The following CLOCK variants were observed in gnomAD, a reference collection of about 807,000 sequenced individuals.
CLOCK encodes circadian locomoter output cycles protein kaput.
In CLOCK, 43 loss-of-function variants were observed where a neutral mutation model predicts 118.4. The observed-to-expected ratio is 0.36, with a 90% CI of 0.28 to 0.47. The LOEUF is 0.47. Among genes scored for constraint, CLOCK ranks in the 20% least tolerant of loss-of-function variants. CLOCK has a pLI of 1.00. For synonymous variants in CLOCK, 326 were observed against 339.2 expected, an observed-to-expected ratio of 0.96 and a Z score of 0.43; for missense variants, 846 against 999.9, an observed-to-expected ratio of 0.85 and a Z score of 2.08.
chr4:55,490,417 C>T (rs547397826), intron 2 of CLOCK, among the ~76,000 whole-genome samples: 2 of 151,984 alleles, frequency 1.3e-5, no homozygotes, highest in Non-Finnish European at 2.9e-5. Flanking sequence ...ACAATAGTAG[C>T]AGGAGATGTC....
At chr4:55,478,437 C>T (rs1726688494) in intron 6 of CLOCK, among the ~76,000 whole-genome samples, 1 of 152,090 alleles carries the variant, frequency 6.6e-6, no homozygotes, top group African/African-American at 2.4e-5. Context: ...GACATGCTGT[C>T]TTCCTTAATC....
chr4:55,546,718 GCGC>G (rs911109422), intron 1 of CLOCK, 61 bp downstream of exon 1: 2 of 149,374 alleles, frequency 1.3e-5, no homozygotes, highest in African/African-American at 4.9e-5. Context: ...GAGCGCGCAT[GCGC>G]CGCCAAGGAA....
chr4:55,464,872 A>G (rs1019619874), intron 8 of CLOCK, among the ~76,000 whole-genome samples: 3 of 152,118 alleles, frequency 2.0e-5, no homozygotes, highest in Admixed American at 1.3e-4. Context: ...TTCTTCATAT[A>G]GGCCACACAT....
At chr4:55,468,518 TATAG>T (rs1388918619) in intron 8 of CLOCK, among the ~76,000 whole-genome samples, 1 of 152,216 alleles carries the variant, frequency 6.6e-6, no homozygotes, top group Non-Finnish European at 1.5e-5. Context: ...CTTCTGGTCA[TATAG>T]ATAATGAATT....
In CLOCK at chr4:55,523,858, T is replaced by C. The variant is rs1291453468; in HGVS notation, c.-289-13793A>G. On this transcript the variant is annotated intron_variant, in intron 1 of 22. Transcript: ENST00000513440. ...GATGGCTTATAATTTTATTGAAGAG[T>C]GGATACCATCTTTTTTTGCTCCAAA... Among the ~76,000 whole-genome samples the C allele has an allele frequency of 3.9e-5, 6 of 152,266 alleles. No individual in the cohort carries two copies. The East Asian group carries it at 1.2e-3, about 29-fold the overall frequency.
intron 1 of CLOCK, among the ~76,000 whole-genome samples, chr4:55,541,862 C>G (rs1731289589): frequency 6.6e-6 from 1 of 151,208 alleles, no homozygotes; most frequent in African/African-American, 2.4e-5. Flanking sequence ...CTTACGTTAT[C>G]AAGAGCTAAG....
At chr4:55,525,348 G>A (rs531596861) in intron 1 of CLOCK, among the ~76,000 whole-genome samples, 18 of 152,220 alleles carry the variant, frequency 1.2e-4, no homozygotes, top group South Asian at 4.1e-4. Context: ...GGTGGCACAC[G>A]CCTACAGTTC....
intron 1 of CLOCK, among the ~76,000 whole-genome samples, chr4:55,530,456 T>TAG (rs1730462493): frequency 6.6e-6 from 1 of 152,182 alleles, no homozygotes; most frequent in Non-Finnish European, 1.5e-5. Flanking sequence ...ACATTGTAAG[T>TAG]ACTCTGTATA....
chr4:55,435,563 G>C lies in CLOCK; in HGVS notation c.2393C>G (p.Thr798Ser). ...AAATGCAGCAGAGAGAATGAGTTGA[G>C]TTGAGGGATTCCCATGGAGCAACCT... Reference protein sequence around the residue: ...TSRLLHGNPSTQLILSAAFPL... With the variant: ...TSRLLHGNPSSQLILSAAFPL... The change falls in exon 23 of 23, where the codon ACT becomes AGT. Residue 798 changes from threonine to serine, a missense_variant. Physicochemically the swap from Thr to Ser is moderately conservative, Grantham distance 58 (BLOSUM62 1). Transcript: ENST00000513440. 1 of 1,614,008 alleles carries C rather than the reference G, an allele frequency of 6.2e-7. No homozygotes were observed. The highest frequency in any genetic ancestry group is 1.1e-5 in the South Asian group (1 of 91,082).
chr4:55,443,489 GAAA>G (rs76130597), intron 20 of CLOCK, among the ~76,000 whole-genome samples, 195 bp downstream of exon 20: 1 of 128,624 alleles, frequency 7.8e-6, no homozygotes, highest in African/African-American at 2.8e-5. Flanking sequence ...AAAAAAAAAA[GAAA>G]AAAAAAAGCT....
rs753230415 is a variant in CLOCK, at chr4:55,438,362, T to TCTG, written c.2278_2280dup (p.Gln760dup). On this transcript the variant is annotated inframe_insertion, in exon 22 of 23. Transcript: ENST00000513440. Reference sequence around the variant, plus strand: ...GAAGTGAGCTGCTGCTCCTGGGAGCTCTGCTGCTGCTGCTGCTGCGTTACT... The same window carrying TCTG: ...GAAGTGAGCTGCTGCTCCTGGGAGCTCTGCTGCTGCTGCTGCTGCTGCGTTACT... The TCTG allele has an allele frequency of 3.1e-4, 501 of 1,613,042 alleles. No homozygotes were observed. Among genetic ancestry groups the TCTG allele is most frequent in the Non-Finnish European group, 3.8e-4 (445 of 1,179,484 alleles).
intron 4 of CLOCK, among the ~76,000 whole-genome samples, chr4:55,480,054 C>A (rs55885973): frequency 0.25 from 37,470 of 152,052 alleles, 4,945 homozygotes; most frequent in South Asian, 0.37. Flanking sequence ...TTAACTATAA[C>A]AGCATAATTT....
In CLOCK at chr4:55,463,554, T is replaced by C. The variant is rs543845937; in HGVS notation, c.559+131A>G. 685 of 681,084 alleles carry C rather than the reference T, an allele frequency of 1.0e-3. 2 individuals carry two copies. Among genetic ancestry groups the C allele is most frequent in the South Asian group, 2.3e-3 (99 of 43,712 alleles). 42.2% of individuals were successfully genotyped at this position (681,084 alleles called of 1,614,324 possible). A position where few individuals can be genotyped will look rare whatever the true frequency, so the allele number is the denominator to read the frequency against. ...ATTTCATTTTATATATATTTTAATATTGAAAAAGGACCTAATAGGGCATAT... is the reference window on the plus strand; with the variant it reads ...ATTTCATTTTATATATATTTTAATACTGAAAAAGGACCTAATAGGGCATAT... On this transcript the variant is annotated intron_variant, in intron 9 of 22. Coordinates refer to ENST00000513440, the MANE Select transcript of CLOCK (RefSeq NM_004898.4).
At chr4:55,456,037 T>C (rs761345600) in intron 12 of CLOCK, 34 bp from the exon 13 acceptor site, 1 of 1,491,882 alleles carries the variant, frequency 6.7e-7, no homozygotes, top group Non-Finnish European at 9.2e-7. Context: ...TTATTATAAG[T>C]TTTTCCATAA....
At chr4:55,508,579 G>C (rs962132098) in intron 2 of CLOCK, among the ~76,000 whole-genome samples, 3 of 144,452 alleles carry the variant, frequency 2.1e-5, no homozygotes, top group Non-Finnish European at 4.5e-5. Flanking sequence ...ATTCTGTAAA[G>C]GGCCACACGG....
At chr4:55,462,280 G>A (rs1200108931) in intron 9 of CLOCK, among the ~76,000 whole-genome samples, 1 of 152,086 alleles carries the variant, frequency 6.6e-6, no homozygotes, top group Non-Finnish European at 1.5e-5. Flanking sequence ...ATCTCCAAAG[G>A]GTTCCACCTT....
chr4:55,448,611 T>G (rs398051420), intron 18 of CLOCK, among the ~76,000 whole-genome samples, 168 bp downstream of exon 18: 1 of 81,564 alleles, frequency 1.2e-5, no homozygotes, highest in Non-Finnish European at 2.5e-5. Flanking sequence ...CGTGTGTGTG[T>G]GTGTGTGTGT....
intron 1 of CLOCK, among the ~76,000 whole-genome samples, chr4:55,544,904 A>G (rs1220209680): frequency 6.6e-6 from 1 of 152,184 alleles, no homozygotes; most frequent in Non-Finnish European, 1.5e-5. Context: ...CACACTATTC[A>G]CAAAGTACCG....
intron 1 of CLOCK, among the ~76,000 whole-genome samples, chr4:55,518,738 T>C (rs1233943870): frequency 2.0e-5 from 3 of 152,188 alleles, no homozygotes; most frequent in African/African-American, 7.2e-5. Flanking sequence ...CTGCATCTAC[T>C]AGCACCTTGA....
Sources: allele counts gnomAD v4.1 joint callset (sites outside exome capture counted in the v4.1 genomes callset), GRCh38; gene constraint gnomAD v4.1.1; transcripts MANE v1.5; gene names NCBI Gene and HGNC (gene_info 2026-07-23, HGNC 2026-07-21).